The following PCDHGA7 variants were observed in gnomAD, a reference collection of about 807,000 sequenced individuals.
PCDHGA7 encodes the protein protocadherin gamma-A7.
PCDHGA7 carries 44 observed loss-of-function variants against 58.3 expected under a neutral mutation model. That is an observed-to-expected ratio of 0.75 (90% CI 0.59 to 0.97). The LOEUF (loss-of-function observed/expected upper bound fraction) is 0.97. PCDHGA7 is among the 50% of genes least tolerant of loss of function. PCDHGA7 has a pLI of 0.00. For synonymous variants in PCDHGA7, 516 were observed against 504.2 expected (o/e 1.02, Z -0.31); for missense variants, 1,266 against 1,188.7 (o/e 1.06, Z -0.96).
At chr5:141,506,444 CAAAA>C (rs1219684339) in intron 3 of PCDHGA7, among the ~76,000 whole-genome samples, 5 of 95,022 alleles carry the variant, frequency 5.3e-5, no homozygotes, top group Admixed American at 1.1e-4. Context: ...CGCTCTGTCT[CAAAA>C]AAAAAAAAAA....
chr5:141,393,898 C>T lies in PCDHGA7; in HGVS notation c.2424+8575C>T, dbSNP rs182092307. On this transcript the variant is annotated intron_variant, in intron 1 of 3. Transcript: ENST00000518325. ...AGCCCAGTGTTAGAAAATTCTCTTC[C>T]CGGGACAGTAATTGCCTTCTTGAGT... The T allele has an allele frequency of 3.0e-5, 49 of 1,613,956 alleles. No individual in the cohort carries two copies. The African/African-American group carries it at 5.1e-4, about 17-fold the overall frequency.
In PCDHGA7 at chr5:141,477,125, A is replaced by G; in HGVS notation, c.2425-17682A>G. The G allele has an allele frequency of 2.5e-6, 4 of 1,614,212 alleles. No individual in the cohort carries two copies. The highest frequency in any genetic ancestry group is 3.4e-6 in the Non-Finnish European group (4 of 1,180,036). On this transcript the variant is annotated intron_variant, in intron 1 of 3. Transcript: ENST00000518325. This position sits in a 1 kb window ranked among gnomAD's most constrained non-coding sequence, Gnocchi z 4.9. ...CGCCAATCCCGAAGGAGCACATTGC[A>G]AAGTGTTGGTGGAGGTTGTGGATGT...
intron 1 of PCDHGA7, chr5:141,440,169 C>A (rs891186588): frequency 1.3e-5 from 2 of 152,218 alleles, no homozygotes; most frequent in Non-Finnish European, 2.9e-5. Flanking sequence ...TGGGCCATAA[C>A]GCTTTGAAAT....
At chr5:141,428,091 T>C (rs769710543) in intron 1 of PCDHGA7, 2 of 1,609,000 alleles carry the variant, frequency 1.2e-6, no homozygotes, top group East Asian at 2.2e-5. Flanking sequence ...CGCTTGGCTG[T>C]CCTACCACGT....
rs1376914747 is a variant in PCDHGA7, at chr5:141,432,008, A to T, written c.2424+46685A>T. On this transcript the variant is annotated intron_variant, in intron 1 of 3. Coordinates refer to ENST00000518325, the MANE Select transcript of PCDHGA7 (RefSeq NM_018920.4). This position sits in a 1 kb window ranked among gnomAD's most constrained non-coding sequence, Gnocchi z 6.0. ...AGTCTTGGATAGGGAACAGGTTCCT[A>T]GCTACAACATCACAGTGACCGCCAC... 1 of 1,614,200 alleles carries T rather than the reference A, an allele frequency of 6.2e-7. No homozygotes were observed. The highest frequency in any genetic ancestry group is 2.2e-5 in the East Asian group (1 of 44,888).
chr5:141,485,278 C>T lies in PCDHGA7; in HGVS notation c.2425-9529C>T. On this transcript the variant is annotated intron_variant, in intron 1 of 3. Transcript: ENST00000518325. The surrounding 1 kb of genome is among the most constrained non-coding windows in gnomAD (Gnocchi z 5.7). ...TTTGTGGGCAGATCCGCTACCCGGTCCCAGAGGAGTCACAGGAAGGGACTT... is the reference window on the plus strand; with the variant it reads ...TTTGTGGGCAGATCCGCTACCCGGTTCCAGAGGAGTCACAGGAAGGGACTT... 1 of 1,614,064 alleles carries T rather than the reference C, an allele frequency of 6.2e-7. No homozygotes were observed. The highest frequency in any genetic ancestry group is 1.1e-5 in the South Asian group (1 of 91,080).
intron 1 of PCDHGA7, chr5:141,441,162 G>T (rs1009205566): frequency 6.6e-6 from 1 of 152,166 alleles, no homozygotes; most frequent in African/African-American, 2.4e-5. Context: ...TCCTAGAGGC[G>T]ATTTTTACTT....
intron 1 of PCDHGA7, among the ~76,000 whole-genome samples, chr5:141,481,692 G>A (rs1231630072): frequency 3.3e-5 from 5 of 152,020 alleles, no homozygotes; most frequent in East Asian, 1.9e-4. Context: ...GGTGGCTCAC[G>A]CCTGTAATCC....
intron 1 of PCDHGA7, 157 bp from the exon 2 acceptor site, chr5:141,494,645 GTGTAT>G: frequency 1.1e-6 from 1 of 935,948 alleles, no homozygotes; most frequent in Non-Finnish European, 1.3e-6. Context: ...GAGACCTGAG[GTGTAT>G]TTTGTCTTTG....
intron 1 of PCDHGA7, chr5:141,413,170 A>T (rs751830095): frequency 6.3e-7 from 1 of 1,595,602 alleles, no homozygotes; most frequent in South Asian, 1.1e-5. Context: ...CTGTAACCAG[A>T]CTACAATGGC....
intron 1 of PCDHGA7, chr5:141,478,188 C>T (rs770414950): frequency 4.3e-6 from 7 of 1,613,920 alleles, no homozygotes; most frequent in Non-Finnish European, 5.9e-6. Flanking sequence ...AAAAATCTCA[C>T]CTTTTATCTA....
rs774140980 is a variant in PCDHGA7, at chr5:141,420,167, T to G, written c.2424+34844T>G. On this transcript the variant is annotated intron_variant, in intron 1 of 3. Transcript: ENST00000518325. ...GAATCCAGAATTTAATTTTTTCACA[T>G]CTGTTGATCATTGTCCAGCCACACA... 3 of 1,614,082 alleles carry G rather than the reference T, an allele frequency of 1.9e-6. No homozygotes were observed. The South Asian group carries it at 3.3e-5, about 18-fold the overall frequency.
At chr5:141,504,384 C>G (rs2099837898) in intron 2 of PCDHGA7, among the ~76,000 whole-genome samples, 1 of 152,026 alleles carries the variant, frequency 6.6e-6, no homozygotes, top group South Asian at 2.1e-4. Flanking sequence ...GAGTCGCTGC[C>G]TCACAGAAGC....
At chr5:141,471,801 CAT>C (rs1165290367) in intron 1 of PCDHGA7, among the ~76,000 whole-genome samples, 1 of 152,114 alleles carries the variant, frequency 6.6e-6, no homozygotes, top group African/African-American at 2.4e-5. Context: ...ATATAAAAGA[CAT>C]ATAAAAGACT....
chr5:141,439,176 T>C (rs1044289122), intron 1 of PCDHGA7, among the ~76,000 whole-genome samples: 3 of 146,068 alleles, frequency 2.1e-5, no homozygotes, highest in African/African-American at 7.8e-5. Context: ...CTGGGCGACA[T>C]AGTGAGACTC....
intron 1 of PCDHGA7, among the ~76,000 whole-genome samples, chr5:141,460,135 T>G (rs2098983196): frequency 6.6e-6 from 1 of 152,044 alleles, no homozygotes; most frequent in South Asian, 2.1e-4. Flanking sequence ...ATATATATAT[T>G]CTTGATGTGA....
At chr5:141,419,570 G>A (rs751047365) in intron 1 of PCDHGA7, 3 of 1,611,764 alleles carry the variant, frequency 1.9e-6, no homozygotes, top group Non-Finnish European at 2.5e-6. Flanking sequence ...GGGTCCCGAC[G>A]GCTCCGCGCT....
chr5:141,387,143 G>A (rs1310461267), intron 1 of PCDHGA7, among the ~76,000 whole-genome samples: 3 of 152,158 alleles, frequency 2.0e-5, no homozygotes, highest in Admixed American at 6.5e-5. Flanking sequence ...TATTGGGAAG[G>A]GGGTGTATTT....
chr5:141,491,233 G>T lies in PCDHGA7; in HGVS notation c.2425-3574G>T. 1 of 1,614,224 alleles carries T rather than the reference G, an allele frequency of 6.2e-7. No homozygotes were observed. The highest frequency in any genetic ancestry group is 2.2e-5 in the East Asian group (1 of 44,890). On this transcript the variant is annotated intron_variant, in intron 1 of 3. Transcript: ENST00000518325. The surrounding 1 kb of genome is among the most constrained non-coding windows in gnomAD (Gnocchi z 6.9). ...CTCCTCCACAGCCACAGTGCTGCTG[G>T]TTCTGGAGGATGAGGACCCTGAGGA...
Sources: allele counts gnomAD v4.1 joint callset (sites outside exome capture counted in the v4.1 genomes callset), GRCh38; gene constraint gnomAD v4.1.1; non-coding constraint Gnocchi (gnomAD v3.1); transcripts MANE v1.5; gene names NCBI Gene and HGNC (gene_info 2026-07-23, HGNC 2026-07-21).